HPSE2: variants seen among roughly 807,000 people sequenced by gnomAD.
HPSE2 encodes heparanase 2 (inactive).
Under a neutral mutation model 60.5 loss-of-function variants are expected in HPSE2, and 38 were observed. That is an observed-to-expected ratio of 0.63 (90% CI 0.48 to 0.82). HPSE2 has a LOEUF of 0.82. Among genes scored for constraint, HPSE2 ranks in the 40% least tolerant of loss-of-function variants. The pLI, the probability that HPSE2 is intolerant of heterozygous loss-of-function variation, is 0.00. For missense variants in HPSE2, 713 were observed against 740.4 expected, an observed-to-expected ratio of 0.96 and a Z score of 0.43; for synonymous variants, 295 against 293.2, an observed-to-expected ratio of 1.01 and a Z score of -0.06.
chr10:99,195,828 T>C (rs748827691), intron 2 of HPSE2, among the ~76,000 whole-genome samples: 1 of 144,180 alleles, frequency 6.9e-6, no homozygotes, highest in Non-Finnish European at 1.6e-5. Context: ...AAAATATCAA[T>C]GACATTCTTC....
At chr10:99,301,451 C>G in the HPSE2 span, among the ~76,000 whole-genome samples, 1 of 152,204 alleles carries the variant, frequency 6.6e-6, no homozygotes, top group East Asian at 1.9e-4. Context: ...TGTGCTTACT[C>G]CTGGGACAAG....
intron 3 of HPSE2, among the ~76,000 whole-genome samples, chr10:99,054,906 G>T (rs985680166): frequency 6.6e-6 from 1 of 151,982 alleles, no homozygotes. Context: ...TAGAGACAGG[G>T]TTTTACTATG....
chr10:98,841,177 G>A (rs1425434864), intron 3 of HPSE2, among the ~76,000 whole-genome samples: 5 of 152,180 alleles, frequency 3.3e-5, no homozygotes, highest in Non-Finnish European at 7.3e-5. Context: ...AGAATCGCTT[G>A]AACCCTGGAG....
At chr10:98,608,775 C>G (rs1301921660) in intron 9 of HPSE2, among the ~76,000 whole-genome samples, 1 of 152,144 alleles carries the variant, frequency 6.6e-6, no homozygotes, top group Non-Finnish European at 1.5e-5. Flanking sequence ...TACCCCTAAA[C>G]AGGTACACTC....
chr10:99,016,527 T>C (rs541790741), intron 3 of HPSE2, among the ~76,000 whole-genome samples: 3 of 152,306 alleles, frequency 2.0e-5, no homozygotes, highest in East Asian at 1.9e-4. Flanking sequence ...TTTGGTTCCA[T>C]ATGAATTTTA....
intron 3 of HPSE2, among the ~76,000 whole-genome samples, chr10:98,954,730 T>C (rs1466536544): frequency 1.3e-5 from 2 of 152,104 alleles, no homozygotes; most frequent in Non-Finnish European, 2.9e-5. Context: ...AAAAATTCCA[T>C]TTGATTTGAG....
intron 2 of HPSE2, among the ~76,000 whole-genome samples, chr10:99,191,286 T>C (rs773329110): frequency 6.6e-5 from 10 of 151,946 alleles, no homozygotes; most frequent in Non-Finnish European, 1.5e-4. Context: ...CAGGCACTTA[T>C]GACCATGAAC....
rs529916505 is a variant in HPSE2, at chr10:98,630,075, T to C, written c.1099-9367A>G. Reference sequence around the variant, plus strand: ...TTATTTAACTTGTTATCTTAGACTTTCACAACCATCCCTTAGCTACCTCTT... The same window carrying C: ...TTATTTAACTTGTTATCTTAGACTTCCACAACCATCCCTTAGCTACCTCTT... On this transcript the variant is annotated intron_variant, in intron 7 of 11. Transcript: ENST00000370552. Among the ~76,000 whole-genome samples, 17 of 152,264 alleles carry C rather than the reference T, an allele frequency of 1.1e-4. No individual in the cohort carries two copies. The South Asian group carries it at 3.5e-3, about 32-fold the overall frequency.
chr10:98,648,591 G>T (rs370833753), intron 6 of HPSE2, among the ~76,000 whole-genome samples: 2 of 152,026 alleles, frequency 1.3e-5, no homozygotes, highest in South Asian at 4.2e-4. Context: ...ACCAGCTTGG[G>T]CAACATAGCG....
intron 9 of HPSE2, among the ~76,000 whole-genome samples, chr10:98,502,177 C>T (rs960850127): frequency 1.3e-5 from 2 of 152,110 alleles, no homozygotes; most frequent in Non-Finnish European, 2.9e-5. Context: ...CATTATTCTT[C>T]ACAGAATTTG....
chr10:99,152,113 C>T (rs1464719857), intron 2 of HPSE2, among the ~76,000 whole-genome samples: 2 of 151,858 alleles, frequency 1.3e-5, no homozygotes, highest in African/African-American at 4.8e-5. Context: ...AGATCAAGAC[C>T]ATCCTGGCTA....
chr10:99,184,391 G>A (rs2796761), intron 2 of HPSE2, among the ~76,000 whole-genome samples: 20,896 of 151,612 alleles, frequency 0.14, 1,866 homozygotes, highest in Admixed American at 0.22. Flanking sequence ...CAGGCTTGGT[G>A]GTGCATGCCT....
intron 8 of HPSE2, among the ~76,000 whole-genome samples, chr10:98,615,656 C>T (rs1357212116): frequency 1.3e-5 from 2 of 152,190 alleles, no homozygotes; most frequent in Non-Finnish European, 2.9e-5. Context: ...TATCATCTAT[C>T]CTACTATGCC....
At chr10:98,581,726 G>T (rs1232217143) in intron 9 of HPSE2, among the ~76,000 whole-genome samples, 2 of 152,078 alleles carry the variant, frequency 1.3e-5, no homozygotes, top group Non-Finnish European at 1.5e-5. Flanking sequence ...AAGTCAGTCT[G>T]CTTTTTATTA....
At chr10:98,857,681 C>G (rs1952350850) in intron 3 of HPSE2, among the ~76,000 whole-genome samples, 1 of 151,854 alleles carries the variant, frequency 6.6e-6, no homozygotes, top group South Asian at 2.1e-4. Flanking sequence ...TAATTAGAAG[C>G]AAAGATGAGA....
intron 10 of HPSE2, among the ~76,000 whole-genome samples, chr10:98,488,061 C>G (rs536806763): frequency 3.9e-4 from 60 of 152,074 alleles, no homozygotes; most frequent in African/African-American, 1.3e-3. Flanking sequence ...GTCTTTTTAA[C>G]AGAGAGTGAG....
rs138148566 is a variant in HPSE2, at chr10:99,047,538, C to T, written c.610+96700G>A. On this transcript the variant is annotated intron_variant, in intron 3 of 11. Coordinates refer to ENST00000370552, the MANE Select transcript of HPSE2 (RefSeq NM_021828.5). ...ACTATTACTAAAGAGACAACCTACACGATAGGAGAAAATATTCACAAACTT... is the reference window on the plus strand; with the variant it reads ...ACTATTACTAAAGAGACAACCTACATGATAGGAGAAAATATTCACAAACTT... 779 of 501,772 alleles carry T rather than the reference C, an allele frequency of 1.6e-3. 5 individuals carry two copies. The highest frequency in any genetic ancestry group is 0.013 in the African/African-American group (680 of 51,644). The allele number at this position is 501,772 out of a possible 1,614,324, so 31.1% of individuals were successfully genotyped here. A position where few individuals can be genotyped will look rare whatever the true frequency, so the allele number is the denominator to read the frequency against.
intron 9 of HPSE2, among the ~76,000 whole-genome samples, chr10:98,505,886 G>T (rs1256522277): frequency 6.6e-6 from 1 of 152,050 alleles, no homozygotes; most frequent in Non-Finnish European, 1.5e-5. Flanking sequence ...TCTTTGTCCT[G>T]TACTAATACC....
intron 6 of HPSE2, among the ~76,000 whole-genome samples, chr10:98,693,244 A>T (rs1948125361): frequency 6.6e-6 from 1 of 152,240 alleles, no homozygotes; most frequent in African/African-American, 2.4e-5. Flanking sequence ...TGAGACATTG[A>T]CTGTTAAGGG....
Sources: gnomAD v4.1 joint callset for allele counts (sites outside exome capture counted in the v4.1 genomes callset) on GRCh38, gnomAD v4.1.1 for gene constraint, MANE v1.5 for transcripts, NCBI Gene and HGNC (gene_info 2026-07-23, HGNC 2026-07-21) for gene names.